GLS: variants seen among roughly 807,000 people sequenced by gnomAD.
GLS encodes the protein glutaminase kidney isoform, mitochondrial.
Under a neutral mutation model 86.7 loss-of-function variants are expected in GLS, and 36 were observed. The ratio of observed to expected loss-of-function variants is 0.42; its 90% CI spans 0.32 to 0.55. The LOEUF is 0.55. Ranked by LOEUF, GLS falls within the 20% of genes least tolerant of loss-of-function variation. The pLI is 0.17. For synonymous variants in GLS, 317 were observed against 305.9 expected (o/e 1.04, Z -0.38); for missense variants, 528 against 833.4 (o/e 0.63, Z 4.51).
At position 190,920,749 on chromosome 2, in the gene GLS, T is replaced by A. The variant is rs72907252; in HGVS notation, c.1039-275T>A. On this transcript the variant is annotated intron_variant, in intron 7 of 17. Transcript: ENST00000320717. The surrounding 1 kb of genome is among the most constrained non-coding windows in gnomAD (Gnocchi z 4.2). ...TCATGAAAGATAAGGGAATTCATGG[T>A]AACTTGTATTTAAAATTCTGTAACT... 3.4e-3 allele frequency among the ~76,000 whole-genome samples: 522 copies of A among 151,926 alleles called. 5 individuals are homozygous for A. Among genetic ancestry groups the A allele is most frequent in the Non-Finnish European group, 5.8e-3 (390 of 67,750 alleles).
Position 190,949,162 on chromosome 2 carries a change from A to T in GLS, c.1651-4403A>T, listed in dbSNP as rs1380621580. ...TGCTCTATTGAGGTTGAGAAGAAAA[A>T]TTAAGTTAGCTGGACTGAAGAACCT... On this transcript the variant is annotated intron_variant, in intron 14 of 17. Transcript: ENST00000320717. This position sits in a 1 kb window ranked among gnomAD's most constrained non-coding sequence, Gnocchi z 4.0. Among the ~76,000 whole-genome samples the T allele has an allele frequency of 6.6e-6, 1 of 152,038 alleles. No homozygotes were observed. Among genetic ancestry groups the T allele is most frequent in the East Asian group, 1.9e-4 (1 of 5,200 alleles).
chr2:190,909,655 G>C (rs2124865919), intron 6 of GLS, among the ~76,000 whole-genome samples: 1 of 152,220 alleles, frequency 6.6e-6, no homozygotes. Context: ...GAAGAAATAG[G>C]AGTTTGGATT....
chr2:190,942,453 AAG>A (rs1690466438), intron 14 of GLS, among the ~76,000 whole-genome samples: 2 of 152,190 alleles, frequency 1.3e-5, no homozygotes, highest in South Asian at 4.1e-4. Context: ...GAATGGATTA[AAG>A]AGAGAGAAAG....
rs376387024 is a variant in GLS, at chr2:190,930,492, A to G, written c.1481A>G (p.Asn494Ser). Residue 494 changes from asparagine (N) to serine (S), a missense_variant, in exon 13 of 18, where the codon AAT becomes AGT. Around this residue, in one of 4 missense-constraint regions of GLS, gnomAD observed 163 missense variants for 429.2 expected, o/e 0.38. Transcript: ENST00000320717. The surrounding 1 kb of genome is among the most constrained non-coding windows in gnomAD (Gnocchi z 5.0). ...VAGGILLVVP[N>S]VMGMMCWSPP... ...GGGGGCATTCTTTTAGTTGTCCCCA[A>G]TGTTATGGGTATGATGTGCTGGTCT... 8.4e-5 allele frequency: 136 copies of G among 1,610,546 alleles called. No individual in the cohort carries two copies. The highest frequency in any genetic ancestry group is 1.0e-4 in the Non-Finnish European group (122 of 1,177,040).
intron 14 of GLS, among the ~76,000 whole-genome samples, chr2:190,952,652 C>T (rs150750186): frequency 1.3e-4 from 20 of 152,254 alleles, no homozygotes; most frequent in Middle Eastern, 6.8e-3. Flanking sequence ...GGGTTACTTT[C>T]CATTCCCCAG....
chr2:190,900,049 A>T (rs1688884892), intron 3 of GLS, among the ~76,000 whole-genome samples: 1 of 152,182 alleles, frequency 6.6e-6, no homozygotes, highest in Admixed American at 6.5e-5. Flanking sequence ...TTCATTTAAG[A>T]CATAAATTAA....
chr2:190,927,980 A>G (rs180705804), intron 12 of GLS, among the ~76,000 whole-genome samples: 1 of 152,046 alleles, frequency 6.6e-6, no homozygotes, highest in Admixed American at 6.6e-5. Flanking sequence ...TGCTCATGTC[A>G]AGTCATAATG....
At chr2:190,928,892 GTTTTTTTTTTTTTT>G (rs367999647) in intron 12 of GLS, among the ~76,000 whole-genome samples, 2 of 12,826 alleles carry the variant, frequency 1.6e-4, no homozygotes, top group South Asian at 4.0e-3. Context: ...ATTCAGGTGT[GTTTTTTTTTTTTTT>G]TTTTTTTTTT....
Position 190,905,433 on chromosome 2 carries a change from T to A in GLS, c.979+266T>A, listed in dbSNP as rs1014467020. Among the ~76,000 whole-genome samples, 4 of 152,056 alleles carry A rather than the reference T, an allele frequency of 2.6e-5. No homozygotes were observed. Among genetic ancestry groups the A allele is most frequent in the Admixed American group, 2.0e-4 (3 of 15,266 alleles). ...TAGCGAAATCTCAAAATACATGAGA[T>A]TTGCTTTAAAATAATTTAGTTAAGG... On this transcript the variant is annotated intron_variant, in intron 6 of 17. Transcript: ENST00000320717. This position sits in a 1 kb window ranked among gnomAD's most constrained non-coding sequence, Gnocchi z 4.6.
In GLS at chr2:190,963,639, C is replaced by T. The variant is rs577590512; in HGVS notation, c.*653C>T. 1 of 152,740 alleles carries T rather than the reference C, an allele frequency of 6.5e-6. No homozygotes were observed. The highest frequency in any genetic ancestry group is 1.9e-4 in the East Asian group (1 of 5,190). 9.5% of individuals were successfully genotyped at this position (152,740 alleles called of 1,614,324 possible). On this transcript the variant is annotated 3_prime_UTR_variant, in exon 18 of 18. Transcript: ENST00000320717. ...AGTTATAATGCTTTTGAAAAATTTT[C>T]CTTTTTCTATATCCCCTTAGTCCAG... is the stretch of plus-strand genomic sequence containing the variant.
chr2:190,933,009 T>G lies in GLS; in HGVS notation c.1650+1372T>G, dbSNP rs911511851. 80 of 1,174,858 alleles carry G rather than the reference T, an allele frequency of 6.8e-5. No individual in the cohort carries two copies. In the African/African-American group the frequency reaches 1.2e-3, roughly 17 times the overall value. 72.8% of individuals were successfully genotyped at this position (1,174,858 alleles called of 1,614,324 possible). A position where few individuals can be genotyped will look rare whatever the true frequency, so the allele number is the denominator to read the frequency against. On this transcript the variant is annotated intron_variant, in intron 14 of 17. Transcript: ENST00000320717. ...CCATAAAGCTTTTTTTTCCTTTTAA[T>G]CTTTGTATAAAGGCAGTAGATTAAG...
chr2:190,956,526 C>T lies in GLS; in HGVS notation c.1853+1708C>T, dbSNP rs1335062722. On this transcript the variant is annotated intron_variant, in intron 17 of 17. Coordinates refer to ENST00000320717, the MANE Select transcript of GLS (RefSeq NM_014905.5). This position sits in a 1 kb window ranked among gnomAD's most constrained non-coding sequence, Gnocchi z 4.2. Reference sequence around the variant, plus strand: ...GTAGCCTTGTAGTATAGTTTGAAGTCAGGTAGCGTGATGCCTCCAGCTTTC... The same window carrying T: ...GTAGCCTTGTAGTATAGTTTGAAGTTAGGTAGCGTGATGCCTCCAGCTTTC... Among the ~76,000 whole-genome samples, 3 of 152,128 alleles carry T rather than the reference C, an allele frequency of 2.0e-5. No individual in the cohort carries two copies. The highest frequency in any genetic ancestry group is 7.2e-5 in the African/African-American group (3 of 41,420).
rs370956481 is a variant in GLS at position 190,921,244 on chromosome 2, A to G, written c.1130+41A>G. 57 of 1,258,316 alleles carry G rather than the reference A, an allele frequency of 4.5e-5. No individual in the cohort carries two copies. The African/African-American group carries it at 7.2e-4, about 16-fold the overall frequency. 77.9% of individuals were successfully genotyped at this position (1,258,316 alleles called of 1,614,324 possible). A position where few individuals can be genotyped will look rare whatever the true frequency, so the allele number is the denominator to read the frequency against. On this transcript the variant is annotated intron_variant, in intron 9 of 17. Coordinates refer to ENST00000320717, the MANE Select transcript of GLS (RefSeq NM_014905.5). This position sits in a 1 kb window ranked among gnomAD's most constrained non-coding sequence, Gnocchi z 4.2. ...ACTGTTTTGTTACGTAAAAACACAC[A>G]ACTGTATTTAGAATTGATCCACTCT...
In GLS at chr2:190,924,892, C is replaced by T. The variant is rs570088340; in HGVS notation, c.1248+299C>T. 1.2e-3 allele frequency: 296 copies of T among 245,708 alleles called. 3 individuals carry two copies. The South Asian group carries it at 0.02, about 16-fold the overall frequency. The allele number at this position is 245,708 out of a possible 1,614,324, so 15.2% of individuals were successfully genotyped here. A position where few individuals can be genotyped will look rare whatever the true frequency, so the allele number is the denominator to read the frequency against. On this transcript the variant is annotated intron_variant, in intron 11 of 17. Coordinates refer to ENST00000320717, the MANE Select transcript of GLS (RefSeq NM_014905.5). This position sits in a 1 kb window ranked among gnomAD's most constrained non-coding sequence, Gnocchi z 5.2. The stretch of plus-strand genomic sequence containing the variant: ...ATCACGCCACTGCATTCCAGCCTGG[C>T]GACACAGTGAGACTCCGTCTCAAAA...
chr2:190,931,224 A>G (rs1226906976), intron 13 of GLS, among the ~76,000 whole-genome samples: 1 of 152,162 alleles, frequency 6.6e-6, no homozygotes. Context: ...TAACCAGAGT[A>G]CTTATTTATA....
Position 190,924,699 on chromosome 2 carries a change from G to A in GLS, c.1248+106G>A. On this transcript the variant is annotated intron_variant, in intron 11 of 17. Transcript: ENST00000320717. This position sits in a 1 kb window ranked among gnomAD's most constrained non-coding sequence, Gnocchi z 5.2. The stretch of plus-strand genomic sequence containing the variant: ...TGGGAGGCCAGGGCAGGTGGATCAT[G>A]AGGTCAAGAGATAGAGGTCATCCTG... 1 of 681,898 alleles carries A rather than the reference G, an allele frequency of 1.5e-6. No homozygotes were observed. Among genetic ancestry groups the A allele is most frequent in the Non-Finnish European group, 2.7e-6 (1 of 368,742 alleles). The allele number at this position is 681,898 out of a possible 1,614,324, so 42.2% of individuals were successfully genotyped here.
chr2:190,894,363 T>C (rs1181848637), intron 1 of GLS, among the ~76,000 whole-genome samples: 2 of 152,302 alleles, frequency 1.3e-5, no homozygotes, highest in African/African-American at 2.4e-5. Flanking sequence ...TTATTTTTTT[T>C]CTGAATATTT....
chr2:190,929,623 C>G (rs1394968369), intron 12 of GLS, among the ~76,000 whole-genome samples: 1 of 151,540 alleles, frequency 6.6e-6, no homozygotes, highest in African/African-American at 2.4e-5. Flanking sequence ...GTGCCTGCCA[C>G]CACACGCGGC....
intron 7 of GLS, among the ~76,000 whole-genome samples, chr2:190,917,519 A>G (rs1006739746): frequency 6.6e-6 from 1 of 152,196 alleles, no homozygotes; most frequent in Non-Finnish European, 1.5e-5. Context: ...AAAGTTCTTA[A>G]TGATATTTAG....
Sources: allele counts gnomAD v4.1 joint callset (sites outside exome capture counted in the v4.1 genomes callset), GRCh38; gene constraint gnomAD v4.1.1; regional missense constraint gnomAD v4.1.1; non-coding constraint Gnocchi (gnomAD v3.1); transcripts MANE v1.5; gene names NCBI Gene and HGNC (gene_info 2026-07-23, HGNC 2026-07-21).